The following SIK3 variants were observed in gnomAD, a reference collection of about 807,000 sequenced individuals.
The protein encoded by SIK3 is serine/threonine-protein kinase SIK3.
SIK3 carries 28 observed loss-of-function variants against 144.2 expected under a neutral mutation model. That is an observed-to-expected ratio of 0.19 (90% CI 0.14 to 0.27). The LOEUF (loss-of-function observed/expected upper bound fraction) is 0.27. SIK3 is among the 10% of genes least tolerant of loss of function. The pLI is 1.00. For synonymous variants in SIK3, 686 were observed against 676.3 expected, an observed-to-expected ratio of 1.01 and a Z score of -0.22; for missense variants, 1,319 against 1,776.0, an observed-to-expected ratio of 0.74 and a Z score of 4.62.
chr11:116,876,509 T>TGATC, intron 7 of SIK3, 146 bp from the exon 8 acceptor site: 1 of 698,306 alleles, frequency 1.4e-6, no homozygotes, highest in East Asian at 2.7e-5. Flanking sequence ...GAGCCCTGAG[T>TGATC]GATCAGCTGT....
chr11:117,051,614 C>T (rs1045428004), intron 1 of SIK3, among the ~76,000 whole-genome samples: 17 of 151,910 alleles, frequency 1.1e-4, no homozygotes, highest in Non-Finnish European at 1.8e-4. Flanking sequence ...CTGCAACCTC[C>T]ACCTCCTGGG....
chr11:117,089,494 C>T (rs1044491225), intron 1 of SIK3, among the ~76,000 whole-genome samples: 2 of 151,716 alleles, frequency 1.3e-5, no homozygotes, highest in African/African-American at 2.4e-5. Flanking sequence ...TCCTTTGTAC[C>T]TTTTGAATTT....
At chr11:116,908,126 A>C (rs1029146732) in intron 4 of SIK3, among the ~76,000 whole-genome samples, 5 of 152,178 alleles carry the variant, frequency 3.3e-5, no homozygotes, top group Non-Finnish European at 5.9e-5. Flanking sequence ...ATTTATACAC[A>C]CGTTAAACAG....
intron 1 of SIK3, among the ~76,000 whole-genome samples, chr11:116,960,402 T>C (rs902263772): frequency 6.6e-6 from 1 of 152,152 alleles, no homozygotes; most frequent in Non-Finnish European, 1.5e-5. Context: ...AGTGTGTGCC[T>C]GTAGTCCCAG....
At chr11:116,919,555 T>C (rs1383951028) in intron 4 of SIK3, among the ~76,000 whole-genome samples, 4 of 152,322 alleles carry the variant, frequency 2.6e-5, no homozygotes, top group South Asian at 2.1e-4. Context: ...GTTTCCACAA[T>C]TTTCAGAACA....
rs1555127056 is a variant in SIK3 at position 117,013,905 on chromosome 11, G to GTGTGTGTGTGTGT, written c.274-56842_274-56841insACACACACACACA. 1.4e-3 allele frequency among the ~76,000 whole-genome samples: 64 copies of GTGTGTGTGTGTGT among 47,314 alleles called. 1 individual carries two copies. The highest frequency in any genetic ancestry group is 3.1e-3 in the African/African-American group (46 of 14,980). The allele number at this position is 47,314 out of a possible 152,430, so 31.0% of individuals were successfully genotyped here. A position where few individuals can be genotyped will look rare whatever the true frequency, so the allele number is the denominator to read the frequency against. The stretch of plus-strand genomic sequence containing the variant: ...TATAAGTCTCCAGATTCTGAGGGGG[G>GTGTGTGTGTGTGT]GGGGGGGAGGGTGTGTGTGTGTGTG... On this transcript the variant is annotated intron_variant, in intron 1 of 24. Transcript: ENST00000445177.
In SIK3 at chr11:116,858,702, G is replaced by A. The variant is rs1365113175; in HGVS notation, c.2766-3C>T. 6.5e-7 allele frequency: 1 copy of A among 1,529,612 alleles called. No homozygotes were observed. Among genetic ancestry groups the A allele is most frequent in the South Asian group, 1.3e-5 (1 of 77,330 alleles). 94.8% of individuals were successfully genotyped at this position (1,529,612 alleles called of 1,614,324 possible). ...GGGAGAACCGATTCACGTTCAAGCT[G>A]CAGACACAAAAGGGAGTACCAGACA... On this transcript the variant is annotated splice_region_variant and splice_polypyrimidine_tract_variant and intron_variant, in intron 20 of 24. Transcript: ENST00000445177. The surrounding 1 kb of genome is among the most constrained non-coding windows in gnomAD (Gnocchi z 5.4).
At chr11:116,886,328 G>C (rs1284276568) in intron 6 of SIK3, among the ~76,000 whole-genome samples, 2 of 152,214 alleles carry the variant, frequency 1.3e-5, no homozygotes, top group Non-Finnish European at 2.9e-5. Flanking sequence ...GGTATATGGA[G>C]ACTTGGTGGG....
chr11:116,908,097 A>G (rs35184536), intron 4 of SIK3, among the ~76,000 whole-genome samples: 7,880 of 152,322 alleles, frequency 0.052, 260 homozygotes, highest in Middle Eastern at 0.11. Context: ...AAACTTCGTT[A>G]CATTAGAATT....
In SIK3 at chr11:116,857,840, C is replaced by T. The variant is rs1943041498; in HGVS notation, c.3625G>A (p.Ala1209Thr). Residue 1209 changes from alanine (A) to threonine (T), a missense_variant, in exon 21 of 25, where the codon GCA becomes ACA. By Grantham distance (58) the Ala-to-Thr change is moderately conservative. This residue lies in a region of SIK3 where 646 missense variants were observed against 763.7 expected (regional missense o/e 0.85). Coordinates refer to ENST00000445177, the MANE Select transcript of SIK3 (RefSeq NM_001366686.3). Reference protein sequence around the residue: ...IHPYGHQPTAAFSKNKVPSRE... With the variant: ...IHPYGHQPTATFSKNKVPSRE... ...CTGGGCACCTTATTTTTACTGAATG[C>T]AGCAGTTGGCTGATGACCATAGGGA... 3 of 1,614,214 alleles carry T rather than the reference C, an allele frequency of 1.9e-6. No individual in the cohort carries two copies. The highest frequency in any genetic ancestry group is 1.1e-5 in the South Asian group (1 of 91,090).
chr11:117,056,076 G>A (rs1459569769), intron 1 of SIK3, among the ~76,000 whole-genome samples: 1 of 152,198 alleles, frequency 6.6e-6, no homozygotes, highest in African/African-American at 2.4e-5. Flanking sequence ...ACAGGATGAG[G>A]AGACAGAAGA....
chr11:116,972,400 C>G (rs775220521), intron 1 of SIK3, among the ~76,000 whole-genome samples: 8 of 152,172 alleles, frequency 5.3e-5, no homozygotes, highest in Non-Finnish European at 1.2e-4. Context: ...CAGCATCAGA[C>G]TTTAGCAAAA....
At chr11:117,038,394 T>C (rs1462371871) in intron 1 of SIK3, among the ~76,000 whole-genome samples, 1 of 150,248 alleles carries the variant, frequency 6.7e-6, no homozygotes, top group Admixed American at 6.7e-5. Flanking sequence ...TCTCGCTCTG[T>C]CTCCCAGGCT....
intron 1 of SIK3, among the ~76,000 whole-genome samples, chr11:117,017,150 G>T (rs1951574198): frequency 6.6e-6 from 1 of 152,176 alleles, no homozygotes; most frequent in Non-Finnish European, 1.5e-5. Flanking sequence ...CCAGCTACTT[G>T]GAAGGCTGAG....
intron 1 of SIK3, among the ~76,000 whole-genome samples, chr11:116,994,184 A>C (rs544503421): frequency 6.6e-6 from 1 of 152,320 alleles, no homozygotes; most frequent in African/African-American, 2.4e-5. Context: ...TGAATTACAA[A>C]GTGTTATTTG....
At chr11:116,875,074 A>C in intron 11 of SIK3, 84 bp downstream of exon 11, 1 of 1,033,128 alleles carries the variant, frequency 9.7e-7, no homozygotes, top group Non-Finnish European at 1.5e-6. Context: ...ACAATGTAGT[A>C]GGAAATGTGC....
intron 13 of SIK3, among the ~76,000 whole-genome samples, chr11:116,872,217 G>A (rs1237636205): frequency 2.0e-5 from 3 of 152,142 alleles, no homozygotes; most frequent in Non-Finnish European, 2.9e-5. Flanking sequence ...CAGTTGGGAC[G>A]TCCAAAAAGA....
chr11:117,093,963 T>C (rs950254786), intron 1 of SIK3, among the ~76,000 whole-genome samples: 2 of 152,148 alleles, frequency 1.3e-5, no homozygotes, highest in Non-Finnish European at 2.9e-5. Flanking sequence ...CTGATAACGA[T>C]GATGATGATG....
At chr11:117,026,157 C>T (rs1471407114) in intron 1 of SIK3, among the ~76,000 whole-genome samples, 1 of 152,174 alleles carries the variant, frequency 6.6e-6, no homozygotes, top group African/African-American at 2.4e-5. Context: ...TATACTGCAC[C>T]TTTCCTGTTT....
Sources: gnomAD v4.1 joint callset for allele counts (sites outside exome capture counted in the v4.1 genomes callset) on GRCh38, gnomAD v4.1.1 for gene constraint, gnomAD v4.1.1 regional missense constraint, Gnocchi (gnomAD v3.1) non-coding constraint, MANE v1.5 for transcripts, NCBI Gene and HGNC (gene_info 2026-07-23, HGNC 2026-07-21) for gene names.